Variants in SPTAN1 observed in about 807,000 individuals in gnomAD.
The protein encoded by SPTAN1 is spectrin alpha chain, non-erythrocytic 1.
SPTAN1 carries 61 observed loss-of-function variants against 331.3 expected under a neutral mutation model. The ratio of observed to expected loss-of-function variants is 0.18; its 90% CI spans 0.15 to 0.23. The LOEUF (loss-of-function observed/expected upper bound fraction) is 0.23. Ranked by LOEUF, SPTAN1 falls within the 10% of genes least tolerant of loss-of-function variation. SPTAN1 has a pLI of 1.00. For synonymous variants in SPTAN1, 1,153 were observed against 1,173.9 expected (o/e 0.98, Z 0.36); for missense variants, 2,043 against 3,147.9 (o/e 0.65, Z 8.40).
chr9:128,619,058 GTCA>G, intron 44 of SPTAN1, 55 bp downstream of exon 44: 2 of 1,611,328 alleles, frequency 1.2e-6, no homozygotes, highest in Non-Finnish European at 1.7e-6. Flanking sequence ...CTGCCTGCTG[GTCA>G]TCATTTCCCT....
intron 44 of SPTAN1, among the ~76,000 whole-genome samples, 187 bp from the exon 45 acceptor site, chr9:128,620,971 C>T (rs1425319680): frequency 1.2e-4 from 18 of 152,138 alleles, no homozygotes; most frequent in African/African-American, 4.3e-4. Flanking sequence ...GCCTCACTGC[C>T]TCCTGTTTTC....
intron 45 of SPTAN1, among the ~76,000 whole-genome samples, chr9:128,623,146 C>T (rs983503290): frequency 6.6e-6 from 1 of 151,892 alleles, no homozygotes. Flanking sequence ...GCCTCTGCCT[C>T]CCGGGTTTCA....
chr9:128,613,861 C>T (rs1278505375), intron 40 of SPTAN1, among the ~76,000 whole-genome samples: 2 of 152,122 alleles, frequency 1.3e-5, no homozygotes, highest in African/African-American at 2.4e-5. Flanking sequence ...AAAAATTAGC[C>T]GGGCGTGGTG....
intron 51 of SPTAN1, chr9:128,630,052 A>T (rs1859444923): frequency 1.6e-6 from 1 of 619,920 alleles, no homozygotes; most frequent in African/African-American, 1.8e-5. Context: ...TCCATTCCTG[A>T]GTCATCCTGG....
chr9:128,614,339 C>T (rs1327188718), intron 40 of SPTAN1, among the ~76,000 whole-genome samples: 2 of 152,218 alleles, frequency 1.3e-5, no homozygotes, highest in Admixed American at 6.5e-5. Context: ...TGCCTGTAAT[C>T]GTAGCACTTT....
intron 48 of SPTAN1, 86 bp from the exon 49 acceptor site, chr9:128,626,305 A>G (rs2131961731): frequency 6.5e-7 from 1 of 1,533,534 alleles, no homozygotes; most frequent in Non-Finnish European, 8.9e-7. Flanking sequence ...TCTGATTCCC[A>G]GGAACCACCC....
At chr9:128,609,620 G>T in intron 36 of SPTAN1, 31 bp from the exon 37 acceptor site, 1 of 1,517,998 alleles carries the variant, frequency 6.6e-7, no homozygotes. Context: ...TCAGTGTACT[G>T]AACTCTTGTT....
At chr9:128,600,801 T>C (rs1855019056) in intron 27 of SPTAN1, among the ~76,000 whole-genome samples, 3 of 151,750 alleles carry the variant, frequency 2.0e-5, no homozygotes, top group Admixed American at 6.6e-5. Context: ...TAGCTGGGAC[T>C]ACAGGCATGT....
intron 20 of SPTAN1, among the ~76,000 whole-genome samples, chr9:128,588,227 A>C (rs1852931557): frequency 6.7e-6 from 1 of 149,856 alleles, no homozygotes; most frequent in African/African-American, 2.5e-5. Flanking sequence ...TGAATTCCTG[A>C]CCTCATGATC....
chr9:128,577,621 A>G lies in SPTAN1; in HGVS notation c.1085+115A>G. On this transcript the variant is annotated intron_variant, in intron 8 of 56. Coordinates refer to ENST00000372739, the MANE Select transcript of SPTAN1 (RefSeq NM_001130438.3). This position sits in a 1 kb window ranked among gnomAD's most constrained non-coding sequence, Gnocchi z 4.2. ...TGTGAAAGTGTCAGGTATCACCTACAAATGCAAATCACTTCTTACCTATGT... is the reference window on the plus strand; with the variant it reads ...TGTGAAAGTGTCAGGTATCACCTACGAATGCAAATCACTTCTTACCTATGT... 1 of 1,391,352 alleles carries G rather than the reference A, an allele frequency of 7.2e-7. No individual in the cohort carries two copies. The highest frequency in any genetic ancestry group is 2.3e-5 in the East Asian group (1 of 43,842). 86.2% of individuals were successfully genotyped at this position (1,391,352 alleles called of 1,614,324 possible).
chr9:128,580,596 C>T (rs1355265517), intron 10 of SPTAN1, among the ~76,000 whole-genome samples: 1 of 152,054 alleles, frequency 6.6e-6, no homozygotes, highest in Non-Finnish European at 1.5e-5. Context: ...GTCCCTACTC[C>T]ATTTATACTC....
intron 52 of SPTAN1, among the ~76,000 whole-genome samples, chr9:128,631,134 C>T (rs1859651456): frequency 6.6e-6 from 1 of 152,168 alleles, no homozygotes; most frequent in African/African-American, 2.4e-5. Flanking sequence ...CATGAGCCAC[C>T]ACTCCCGGCC....
rs749543704 is a variant in SPTAN1, at chr9:128,627,990, G to A, written c.6707+48G>A. The A allele has an allele frequency of 1.9e-5, 30 of 1,612,856 alleles. No homozygotes were observed. Among genetic ancestry groups the A allele is most frequent in the Admixed American group, 5.0e-5 (3 of 59,992 alleles). ...TCTGGGCTTGTCATGTGGGGGTCTC[G>A]TGCGCTTGCCCCTCGTGGCCTGGCT... On this transcript the variant is annotated intron_variant, in intron 51 of 56. Transcript: ENST00000372739. The surrounding 1 kb of genome is among the most constrained non-coding windows in gnomAD (Gnocchi z 4.9).
chr9:128,627,837 TTTC>T lies in SPTAN1; in HGVS notation c.6690-85_6690-83del, dbSNP rs1212723244. 5.3e-6 allele frequency: 8 copies of T among 1,513,632 alleles called. No homozygotes were observed. Among genetic ancestry groups the T allele is most frequent in the Non-Finnish European group, 7.3e-6 (8 of 1,088,684 alleles). The allele number at this position is 1,513,632 out of a possible 1,614,324, so 93.8% of individuals were successfully genotyped here. A position where few individuals can be genotyped will look rare whatever the true frequency, so the allele number is the denominator to read the frequency against. ...ATGTTCTTGCTTTTGTTTTCCTTTC[TTTC>T]TTGTGTCTTCTCTCTGTCCCCCCGA... On this transcript the variant is annotated intron_variant, in intron 50 of 56. Coordinates refer to ENST00000372739, the MANE Select transcript of SPTAN1 (RefSeq NM_001130438.3). This position sits in a 1 kb window ranked among gnomAD's most constrained non-coding sequence, Gnocchi z 4.9.
chr9:128,578,256 C>T lies in SPTAN1; in HGVS notation c.1221+11C>T, dbSNP rs113357847. 6,947 of 1,613,888 alleles carry T rather than the reference C, an allele frequency of 4.3e-3. 252 individuals are homozygous for T. The African/African-American group carries it at 0.082, about 19-fold the overall frequency. ...CACCAAGAGCACAAGGTAATGGTATCTCTAGAATCTTCCAGAAGTGAAGAT... is the reference window on the plus strand; with the variant it reads ...CACCAAGAGCACAAGGTAATGGTATTTCTAGAATCTTCCAGAAGTGAAGAT... On this transcript the variant is annotated intron_variant, in intron 9 of 56. Coordinates refer to ENST00000372739, the MANE Select transcript of SPTAN1 (RefSeq NM_001130438.3).
chr9:128,627,314 GC>G lies in SPTAN1; in HGVS notation c.6577-69del. On this transcript the variant is annotated intron_variant, in intron 49 of 56. Coordinates refer to ENST00000372739, the MANE Select transcript of SPTAN1 (RefSeq NM_001130438.3). The surrounding 1 kb of genome is among the most constrained non-coding windows in gnomAD (Gnocchi z 4.9). ...TGTGGGGAGGCCACCACCACCCTGA[GC>G]CCATCTGTGAAGGAGGGGCTGGTGT... The G allele has an allele frequency of 7.2e-7, 1 of 1,386,146 alleles. No homozygotes were observed. Among genetic ancestry groups the G allele is most frequent in the South Asian group, 1.3e-5 (1 of 79,432 alleles). 85.9% of individuals were successfully genotyped at this position (1,386,146 alleles called of 1,614,324 possible).
chr9:128,561,460 G>A (rs1269399940), intron 1 of SPTAN1, among the ~76,000 whole-genome samples: 1 of 150,410 alleles, frequency 6.6e-6, no homozygotes, highest in Admixed American at 6.7e-5. Flanking sequence ...TCAAGAGATC[G>A]AGACCATCCT....
In SPTAN1 at chr9:128,605,303, C is replaced by T; in HGVS notation, c.3872C>T (p.Ser1291Phe). ...DLAALGDKVN[S>F]LGETAERLIQ... is the part of the protein sequence containing the mutation. ...ACCACTTTCTTCCCATAGGTAAACTCCCTTGGTGAAACAGCAGAGCGCCTG... is the reference window on the plus strand; with the variant it reads ...ACCACTTTCTTCCCATAGGTAAACTTCCTTGGTGAAACAGCAGAGCGCCTG... Residue 1291 changes from serine (S) to phenylalanine (F), a missense_variant, in exon 31 of 57, where the codon TCC (serine) becomes TTC (phenylalanine). This residue lies in a region of SPTAN1 where 42 missense variants were observed against 106.0 expected (regional missense o/e 0.40). Transcript: ENST00000372739. 2 of 1,614,140 alleles carry T rather than the reference C, an allele frequency of 1.2e-6. No homozygotes were observed. The highest frequency in any genetic ancestry group is 1.7e-6 in the Non-Finnish European group (2 of 1,180,034).
At chr9:128,626,030 G>A (rs886328482) in intron 48 of SPTAN1, 52 bp downstream of exon 48, 25 of 1,601,546 alleles carry the variant, frequency 1.6e-5, no homozygotes, top group East Asian at 2.2e-5. Flanking sequence ...AAGGAAGGAC[G>A]CCCACCTTCT....
Sources: allele counts gnomAD v4.1 joint callset (sites outside exome capture counted in the v4.1 genomes callset), GRCh38; gene constraint gnomAD v4.1.1; regional missense constraint gnomAD v4.1.1; non-coding constraint Gnocchi (gnomAD v3.1); transcripts MANE v1.5; gene names NCBI Gene and HGNC (gene_info 2026-07-23, HGNC 2026-07-21).